SLCO1A2: variants seen among roughly 807,000 people sequenced by gnomAD.
SLCO1A2 encodes the protein solute carrier organic anion transporter family member 1A2.
SLCO1A2 carries 67 observed loss-of-function variants against 69.0 expected under a neutral mutation model. That is an observed-to-expected ratio of 0.97 (90% confidence interval 0.80 to 1.19). The LOEUF (loss-of-function observed/expected upper bound fraction) is 1.19. Among genes scored for constraint, SLCO1A2 ranks in the 50% most tolerant of loss-of-function variants. The pLI, the probability that SLCO1A2 is intolerant of heterozygous loss-of-function variation, is 0.00. For missense variants in SLCO1A2, 787 were observed against 793.7 expected (o/e 0.99, Z 0.10); for synonymous variants, 260 against 265.9 (o/e 0.98, Z 0.22).
chr12:21,327,172 G>A (rs527991169), intron 2 of SLCO1A2, among the ~76,000 whole-genome samples: 7 of 152,122 alleles, frequency 4.6e-5, no homozygotes, highest in African/African-American at 1.7e-4. Context: ...CTCAAGCTTT[G>A]GTTGGGCCTG....
At chr12:21,339,808 A>G (rs933829443), upstream of SLCO1A2, among the ~76,000 whole-genome samples, 8 of 151,870 alleles carry the variant, frequency 5.3e-5, no homozygotes, top group African/African-American at 1.9e-4. Flanking sequence ...ACATAAAAGG[A>G]AGTCAGGTGG....
At chr12:21,346,170 T>C (rs1051681230) in intron 2 of SLCO1A2, among the ~76,000 whole-genome samples, 1 of 152,168 alleles carries the variant, frequency 6.6e-6, no homozygotes, top group Non-Finnish European at 1.5e-5. Context: ...ACCATACTCA[T>C]TTAATATAGT....
At chr12:21,290,378 G>A (rs1324823851) in intron 12 of SLCO1A2, among the ~76,000 whole-genome samples, 2 of 152,116 alleles carry the variant, frequency 1.3e-5, no homozygotes, top group Admixed American at 6.6e-5. Flanking sequence ...GAAGATGGCA[G>A]GTGGGTGAGG....
At chr12:21,392,267 C>T (rs151115236) in intron 1 of SLCO1A2, among the ~76,000 whole-genome samples, 104 of 152,286 alleles carry the variant, frequency 6.8e-4, no homozygotes, top group African/African-American at 2.4e-3. Context: ...CCATATGATC[C>T]AATCATTCTA....
At chr12:21,390,658 A>G (rs1288405939) in intron 1 of SLCO1A2, among the ~76,000 whole-genome samples, 1 of 152,168 alleles carries the variant, frequency 6.6e-6, no homozygotes, top group Non-Finnish European at 1.5e-5. Flanking sequence ...AAACCCAAAT[A>G]ACAGAAATAT....
chr12:21,416,826 A>C (rs1941997572), intron 1 of SLCO1A2, among the ~76,000 whole-genome samples: 1 of 152,186 alleles, frequency 6.6e-6, no homozygotes, highest in African/African-American at 2.4e-5. Context: ...TACTCAAATG[A>C]ATAGAATTTC....
intron 12 of SLCO1A2, among the ~76,000 whole-genome samples, chr12:21,279,827 A>G (rs1365304906): frequency 1.3e-5 from 2 of 152,236 alleles, no homozygotes; most frequent in Non-Finnish European, 2.9e-5. Context: ...ACTGTGATGT[A>G]TAAACTACTC....
rs917969773 is a variant in SLCO1A2, at chr12:21,360,912, C to T, written c.-63+13487G>A. 3.3e-5 allele frequency among the ~76,000 whole-genome samples: 5 copies of T among 152,000 alleles called. No individual in the cohort carries two copies. The South Asian group carries it at 8.3e-4, about 25-fold the overall frequency. The stretch of plus-strand genomic sequence containing the variant: ...GGAACTCGAACTCGGTGGAGCCCAC[C>T]GCAGCTCAAGGAGGCCTGCCTGCCT... On this transcript the variant is annotated intron_variant, in intron 2 of 15. Transcript: ENST00000307378.
chr12:21,304,908 A>T lies in SLCO1A2; in HGVS notation c.443-335T>A, dbSNP rs967404945. Among the ~76,000 whole-genome samples, 3 of 152,226 alleles carry T rather than the reference A, an allele frequency of 2.0e-5. No homozygotes were observed. In the South Asian group the frequency reaches 6.2e-4, roughly 31 times the overall value. The stretch of plus-strand genomic sequence containing the variant: ...CCACAGAAATTGGCAAACATTAAAA[A>T]TCAAAGAGATTCAGTTTCTCCACAA... On this transcript the variant is annotated intron_variant, in intron 5 of 14. Coordinates refer to ENST00000683939, the MANE Select transcript of SLCO1A2 (RefSeq NM_001386879.1).
intron 6 of SLCO1A2, among the ~76,000 whole-genome samples, chr12:21,303,738 T>C (rs1219100004): frequency 6.6e-6 from 1 of 152,154 alleles, no homozygotes; most frequent in African/African-American, 2.4e-5. Flanking sequence ...GATTTTAAAA[T>C]GGTAATTTCA....
At chr12:21,338,232 C>A (rs1246881318), upstream of SLCO1A2, among the ~76,000 whole-genome samples, 2 of 152,038 alleles carry the variant, frequency 1.3e-5, no homozygotes, top group East Asian at 3.9e-4. Context: ...TCTGACTCCT[C>A]TATGTGCTCT....
chr12:21,366,185 G>A (rs1471360768), intron 2 of SLCO1A2, among the ~76,000 whole-genome samples: 1 of 152,146 alleles, frequency 6.6e-6, no homozygotes. Context: ...TTAAGAAAAT[G>A]TGGCACATAT....
At chr12:21,275,220 C>G in intron 13 of SLCO1A2, 140 bp downstream of exon 13, 1 of 845,722 alleles carries the variant, frequency 1.2e-6, no homozygotes, top group Non-Finnish European at 1.7e-6. Flanking sequence ...TTAATGGGTG[C>G]AGCACACCAA....
intron 10 of SLCO1A2, chr12:21,295,323 C>G (rs1341195074): frequency 1.0e-5 from 3 of 300,336 alleles, no homozygotes; most frequent in Non-Finnish European, 1.8e-5. Flanking sequence ...AGGATAATGT[C>G]TACTCGGATA....
At chr12:21,297,653 A>G in intron 8 of SLCO1A2, 85 bp from the exon 9 acceptor site, 1 of 845,266 alleles carries the variant, frequency 1.2e-6, no homozygotes. Context: ...CACCTCCTCA[A>G]CAAATTATGT....
chr12:21,369,768 C>T (rs920151531), intron 2 of SLCO1A2, among the ~76,000 whole-genome samples: 5 of 152,194 alleles, frequency 3.3e-5, no homozygotes, highest in Admixed American at 3.3e-4. Context: ...GCTGCCAGCA[C>T]CTCATTCACA....
At chr12:21,347,506 C>T (rs1156723074) in intron 2 of SLCO1A2, among the ~76,000 whole-genome samples, 2 of 151,926 alleles carry the variant, frequency 1.3e-5, no homozygotes, top group African/African-American at 4.8e-5. Context: ...ATTAGCCAGG[C>T]ATGGTGGCGC....
chr12:21,332,801 T>G (rs1952694785), intron 2 of SLCO1A2, among the ~76,000 whole-genome samples: 1 of 152,098 alleles, frequency 6.6e-6, no homozygotes, highest in African/African-American at 2.4e-5. Flanking sequence ...TAATCACCTC[T>G]CGAAGGCCCC....
At chr12:21,330,927 C>A (rs1402009635) in intron 2 of SLCO1A2, among the ~76,000 whole-genome samples, 1 of 152,108 alleles carries the variant, frequency 6.6e-6, no homozygotes, top group Admixed American at 6.6e-5. Flanking sequence ...AAATATTTCT[C>A]TTTCTTGAAC....
Sources: gnomAD v4.1 joint callset for allele counts (sites outside exome capture counted in the v4.1 genomes callset) on GRCh38, gnomAD v4.1.1 for gene constraint, MANE v1.5 for transcripts, NCBI Gene and HGNC (gene_info 2026-07-23, HGNC 2026-07-21) for gene names.